The following ZSWIM6 variants were observed in gnomAD, a reference collection of about 807,000 sequenced individuals.
ZSWIM6 encodes zinc finger SWIM-type containing 6.
Under a neutral mutation model 113.2 loss-of-function variants are expected in ZSWIM6, and 9 were observed. The observed-to-expected ratio is 0.08, with a 90% CI of 0.05 to 0.14. The LOEUF (loss-of-function observed/expected upper bound fraction) is 0.14, where lower values mean the gene tolerates loss of function less well. ZSWIM6 is among the 10% of genes least tolerant of loss of function. ZSWIM6 has a pLI of 1.00. For missense variants in ZSWIM6, 1,162 were observed against 1,552.2 expected (o/e 0.75, Z 4.22); for synonymous variants, 611 against 606.5 (o/e 1.01, Z -0.11).
At chr5:61,342,337 A>G (rs903586219) in intron 1 of ZSWIM6, among the ~76,000 whole-genome samples, 1 of 152,212 alleles carries the variant, frequency 6.6e-6, no homozygotes, top group Non-Finnish European at 1.5e-5. Flanking sequence ...ACTGCCCTGG[A>G]ATATAATCAG....
intron 1 of ZSWIM6, among the ~76,000 whole-genome samples, chr5:61,341,397 ATGTTTAATATTAGAAG>A (rs1359852936): frequency 1.3e-5 from 2 of 152,214 alleles, no homozygotes; most frequent in Admixed American, 1.3e-4. Flanking sequence ...ATTCATTTCA[ATGTTTAATATTAGAAG>A]TGTTGTGGTC....
intron 1 of ZSWIM6, among the ~76,000 whole-genome samples, chr5:61,468,650 A>G (rs895785549): frequency 1.3e-5 from 2 of 152,176 alleles, no homozygotes; most frequent in Admixed American, 1.3e-4. Context: ...GTCTTGAAAC[A>G]AAACCTAAGA....
At chr5:61,408,729 G>C (rs1470892026) in intron 1 of ZSWIM6, among the ~76,000 whole-genome samples, 1 of 152,274 alleles carries the variant, frequency 6.6e-6, no homozygotes, top group Non-Finnish European at 1.5e-5. Context: ...GCTGAGCTCA[G>C]GAGTCTGGCT....
At chr5:61,414,194 G>A (rs543984073) in intron 1 of ZSWIM6, among the ~76,000 whole-genome samples, 5 of 152,158 alleles carry the variant, frequency 3.3e-5, no homozygotes, top group Non-Finnish European at 5.9e-5. Flanking sequence ...TCAGTGAAGA[G>A]GGTAGTTGTA....
chr5:61,379,080 C>T (rs908105808), intron 1 of ZSWIM6, among the ~76,000 whole-genome samples: 3 of 144,028 alleles, frequency 2.1e-5, no homozygotes, highest in African/African-American at 7.7e-5. Context: ...ACTCAGGTGG[C>T]GGAGGTGAGA....
chr5:61,504,738 C>T (rs1748555367), intron 4 of ZSWIM6, among the ~76,000 whole-genome samples: 1 of 152,056 alleles, frequency 6.6e-6, no homozygotes. Flanking sequence ...ATTGGTTCTT[C>T]ATGGCAAATG....
chr5:61,352,163 C>T (rs1414284107), intron 1 of ZSWIM6, among the ~76,000 whole-genome samples: 1 of 152,158 alleles, frequency 6.6e-6, no homozygotes, highest in Non-Finnish European at 1.5e-5. Flanking sequence ...TTTTTTCTGT[C>T]TGGAATGCTC....
In ZSWIM6 at chr5:61,530,208, T is replaced by C. The variant is rs201657269; in HGVS notation, c.1984+10T>C. 7.1e-6 allele frequency: 11 copies of C among 1,545,474 alleles called. No individual in the cohort carries two copies. The highest frequency in any genetic ancestry group is 1.2e-5 in the South Asian group (1 of 83,550). On this transcript the variant is annotated intron_variant, in intron 8 of 13. Transcript: ENST00000252744. ...TTCTCAGATTTTACAGGTAAAACCATTGACATTTGTCTCATGTGCTTTTCT... is the reference window on the plus strand; with the variant it reads ...TTCTCAGATTTTACAGGTAAAACCACTGACATTTGTCTCATGTGCTTTTCT...
intron 1 of ZSWIM6, among the ~76,000 whole-genome samples, chr5:61,383,970 GGTGGCTCAC>G (rs1272051645): frequency 1.3e-5 from 2 of 151,502 alleles, no homozygotes; most frequent in East Asian, 3.9e-4. Context: ...GGCCGGGCGC[GGTGGCTCAC>G]GCCTGTAATC....
intron 1 of ZSWIM6, among the ~76,000 whole-genome samples, chr5:61,454,593 G>A (rs1280302542): frequency 2.9e-5 from 4 of 136,398 alleles, no homozygotes; most frequent in African/African-American, 8.3e-5. Flanking sequence ...TTTTCTTTTC[G>A]AGATGGAGTC....
chr5:61,490,005 A>G (rs537494922), intron 2 of ZSWIM6, among the ~76,000 whole-genome samples: 2 of 152,192 alleles, frequency 1.3e-5, no homozygotes, highest in South Asian at 4.1e-4. Context: ...GAGGATGAAC[A>G]GTTTTTAGAT....
At chr5:61,412,606 CA>C (rs1746169062) in intron 1 of ZSWIM6, among the ~76,000 whole-genome samples, 1 of 152,186 alleles carries the variant, frequency 6.6e-6, no homozygotes, top group South Asian at 2.1e-4. Flanking sequence ...GCAAGTTCCG[CA>C]GTGAAAACAG....
At chr5:61,378,983 C>A (rs1002138284) in intron 1 of ZSWIM6, among the ~76,000 whole-genome samples, 1 of 151,608 alleles carries the variant, frequency 6.6e-6, no homozygotes, top group African/African-American at 2.4e-5. Context: ...AGTTCCAGAC[C>A]AGCCTGGGTA....
chr5:61,453,991 T>C (rs1198298530), intron 1 of ZSWIM6, among the ~76,000 whole-genome samples: 5 of 152,092 alleles, frequency 3.3e-5, no homozygotes, highest in Non-Finnish European at 5.9e-5. Context: ...ATGATTAGTT[T>C]TATTTCCCTC....
At chr5:61,333,846 C>A (rs1475182956) in intron 1 of ZSWIM6, among the ~76,000 whole-genome samples, 1 of 151,688 alleles carries the variant, frequency 6.6e-6, no homozygotes, top group Non-Finnish European at 1.5e-5. Context: ...GTGGTCAGGT[C>A]GTGGTGCCCC....
intron 2 of ZSWIM6, among the ~76,000 whole-genome samples, chr5:61,483,867 ACT>A (rs1489380827): frequency 6.6e-6 from 1 of 151,340 alleles, no homozygotes; most frequent in African/African-American, 2.4e-5. Flanking sequence ...ACAGAGCGAG[ACT>A]CTGTCTCAAA....
intron 1 of ZSWIM6, among the ~76,000 whole-genome samples, chr5:61,345,703 G>A (rs928044113): frequency 6.6e-6 from 1 of 152,166 alleles, no homozygotes; most frequent in Non-Finnish European, 1.5e-5. Context: ...CAGATGGCAG[G>A]ATAACGTTTA....
intron 1 of ZSWIM6, among the ~76,000 whole-genome samples, chr5:61,365,262 G>T (rs1045482355): frequency 1.3e-5 from 2 of 151,856 alleles, no homozygotes; most frequent in Admixed American, 1.3e-4. Context: ...TGAGGCAGGA[G>T]AATCAGTTGA....
At chr5:61,367,493 C>T (rs1745183887) in intron 1 of ZSWIM6, among the ~76,000 whole-genome samples, 1 of 152,192 alleles carries the variant, frequency 6.6e-6, no homozygotes, top group African/African-American at 2.4e-5. Flanking sequence ...GATCCATCCT[C>T]CTGCCTTGGC....
Sources: gnomAD v4.1 joint callset for allele counts (sites outside exome capture counted in the v4.1 genomes callset) on GRCh38, gnomAD v4.1.1 for gene constraint, MANE v1.5 for transcripts, NCBI Gene and HGNC (gene_info 2026-07-23, HGNC 2026-07-21) for gene names.